Variants in OTC observed in about 807,000 individuals in gnomAD.
OTC encodes ornithine transcarbamylase.
Under a neutral mutation model 30.3 loss-of-function variants are expected in OTC, and 3 were observed. The observed-to-expected ratio is 0.10, with a 90% CI of 0.05 to 0.26. The LOEUF is 0.26. Ranked by LOEUF, OTC falls within the 10% of genes least tolerant of loss-of-function variation. OTC has a pLI of 1.00. For synonymous variants in OTC, 111 were observed against 99.7 expected (o/e 1.11, Z -0.67); for missense variants, 194 against 260.3 (o/e 0.75, Z 1.75).
At chrX:38,377,509 T>C (rs2068354508) in intron 3 of OTC, among the ~76,000 whole-genome samples, 1 of 111,839 alleles carries the variant, frequency 8.9e-6, no homozygotes, top group Admixed American at 9.5e-5. Flanking sequence ...AAAAGATCAA[T>C]GAAATAAAAA....
chrX:38,394,123 A>G (rs911419992), intron 4 of OTC, among the ~76,000 whole-genome samples: 2 of 112,511 alleles, frequency 1.8e-5, no homozygotes, highest in Non-Finnish European at 1.9e-5. Flanking sequence ...GGGTTAGGAC[A>G]TGGACATCTT....
rs144153859 is a variant in OTC, at chrX:38,367,360, C to T, written c.147C>T (p.Thr49=). The T allele has an allele frequency of 2.0e-5, 24 of 1,197,152 alleles. No homozygotes were observed. Among genetic ancestry groups the T allele is most frequent in the East Asian group, 5.9e-5 (2 of 33,694 alleles). ...ACCTTCTCACTCTAAAAAACTTTAC[C>T]GGAGAAGAAATTAAATATATGCTAT... ...GRDLLTLKNF[T]GEEIKYMLWL... Residue 49 remains threonine, a synonymous_variant, in exon 2 of 10, where the codon ACC becomes ACT. Coordinates refer to ENST00000039007, the MANE Select transcript of OTC (RefSeq NM_000531.6).
chrX:38,340,265 G>A, the OTC span, among the ~76,000 whole-genome samples: 1 of 111,164 alleles, frequency 9.0e-6, no homozygotes. Flanking sequence ...TTCTACTAAA[G>A]TCCCCAAGCT....
chrX:38,394,715 T>C (rs778420402), intron 4 of OTC, among the ~76,000 whole-genome samples: 2 of 111,612 alleles, frequency 1.8e-5, no homozygotes, highest in African/African-American at 3.3e-5. Flanking sequence ...TCAACTCTAC[T>C]CAAAACTTTA....
chrX:38,341,799 G>A, the OTC span, among the ~76,000 whole-genome samples: 1 of 110,429 alleles, frequency 9.1e-6, no homozygotes, highest in African/African-American at 3.3e-5. Context: ...TTGTACTGAG[G>A]GAGAACAAAG....
the OTC span, among the ~76,000 whole-genome samples, chrX:38,339,049 G>T: frequency 8.9e-6 from 1 of 112,132 alleles, no homozygotes; most frequent in African/African-American, 3.2e-5. Flanking sequence ...GGAACTAGTT[G>T]GGGGGTGGGT....
intron 4 of OTC, among the ~76,000 whole-genome samples, chrX:38,382,288 C>G (rs1463076731): frequency 2.7e-5 from 3 of 112,312 alleles, no homozygotes; most frequent in Non-Finnish European, 5.6e-5. Flanking sequence ...CTCCTGACTC[C>G]TCATGCAATG....
chrX:38,354,368 T>C (rs1175060554), intron 1 of OTC, among the ~76,000 whole-genome samples: 6 of 112,315 alleles, frequency 5.3e-5, no homozygotes, highest in African/African-American at 1.9e-4. Flanking sequence ...TTTTATTCTA[T>C]AGCTTTTAAC....
intron 9 of OTC, among the ~76,000 whole-genome samples, chrX:38,413,174 A>T (rs2068552227): frequency 1.8e-5 from 2 of 112,415 alleles, no homozygotes; most frequent in Non-Finnish European, 3.7e-5. Flanking sequence ...GAGAAAAGCA[A>T]GCTGGAAAGG....
chrX:38,382,528 A>G (rs1316139111), intron 4 of OTC, among the ~76,000 whole-genome samples: 2 of 112,225 alleles, frequency 1.8e-5, no homozygotes, highest in Non-Finnish European at 3.8e-5. Flanking sequence ...CCTTTTAGTT[A>G]TGTTATTTCA....
At position 38,390,231 on chromosome X, in the gene OTC, G is replaced by C. The variant is rs970568381; in HGVS notation, c.386+8802G>C. On this transcript the variant is annotated intron_variant, in intron 4 of 9. Transcript: ENST00000039007. ...GCCCATTTGACAAGAACCCATCTAGGTTTGCTGAGAGTATTATCTATCTTA... is the reference window on the plus strand; with the variant it reads ...GCCCATTTGACAAGAACCCATCTAGCTTTGCTGAGAGTATTATCTATCTTA... Among the ~76,000 whole-genome samples, 10 of 111,857 alleles carry C rather than the reference G, an allele frequency of 8.9e-5. No individual in the cohort carries two copies. The East Asian group carries it at 1.4e-3, about 16-fold the overall frequency.
At chrX:38,418,715 G>A (rs1407087802) in intron 9 of OTC, among the ~76,000 whole-genome samples, 2 of 111,630 alleles carry the variant, frequency 1.8e-5, no homozygotes, top group African/African-American at 6.5e-5. Context: ...TAAGTCTCAC[G>A]AGATCTGATG....
chrX:38,417,788 G>A (rs144498400), intron 9 of OTC, among the ~76,000 whole-genome samples: 2,302 of 111,931 alleles, frequency 0.021, 63 homozygotes, highest in African/African-American at 0.069. Flanking sequence ...GAGTCATCCA[G>A]ATTCACCCAT....
the OTC span, among the ~76,000 whole-genome samples, chrX:38,344,044 A>T: frequency 9.0e-6 from 1 of 111,490 alleles, no homozygotes. Context: ...TGTTAATTAG[A>T]AAGTAACTCT....
chrX:38,333,733 A>C, the OTC span, among the ~76,000 whole-genome samples: 1 of 112,517 alleles, frequency 8.9e-6, no homozygotes, highest in Non-Finnish European at 1.9e-5. Flanking sequence ...AGCATTCAAC[A>C]AAACGTCCAA....
At chrX:38,403,504 C>A in intron 5 of OTC, 114 bp from the exon 6 acceptor site, 1 of 817,852 alleles carries the variant, frequency 1.2e-6, no homozygotes, top group Non-Finnish European at 1.8e-6. Context: ...GGAATTCATT[C>A]CTTCTAACAA....
intron 4 of OTC, among the ~76,000 whole-genome samples, chrX:38,398,404 C>T (rs1233089879): frequency 3.6e-5 from 4 of 112,117 alleles, no homozygotes; most frequent in African/African-American, 9.7e-5. Context: ...GGTTGGCAGC[C>T]TAAGGTCCTA....
chrX:38,332,989 G>T, the OTC span, among the ~76,000 whole-genome samples: 1 of 110,782 alleles, frequency 9.0e-6, no homozygotes. Context: ...AGGCTGAGGC[G>T]GGTGGATAGA....
At chrX:38,356,050 CAAAAAAA>C (rs138806207) in intron 1 of OTC, among the ~76,000 whole-genome samples, 2 of 52,693 alleles carry the variant, frequency 3.8e-5, no homozygotes, top group African/African-American at 7.7e-5. Context: ...GACTCTGTCT[CAAAAAAA>C]AAAAAAAAAA....
Sources: allele counts gnomAD v4.1 joint callset (sites outside exome capture counted in the v4.1 genomes callset), GRCh38; gene constraint gnomAD v4.1.1; transcripts MANE v1.5; gene names NCBI Gene and HGNC (gene_info 2026-07-23, HGNC 2026-07-21).